AGMO: variants seen among roughly 807,000 people sequenced by gnomAD.
AGMO encodes alkylglycerol monooxygenase, also known as glyceryl-ether monooxygenase.
AGMO carries 75 observed loss-of-function variants against 60.2 expected under a neutral mutation model. That is an observed-to-expected ratio of 1.25 (90% CI 1.03 to 1.51). The LOEUF (loss-of-function observed/expected upper bound fraction) is 1.51. Among genes scored for constraint, AGMO ranks in the 40% most tolerant of loss-of-function variants. The pLI is 0.00. For synonymous variants in AGMO, 261 were observed against 177.1 expected (o/e 1.47, Z -3.76); for missense variants, 763 against 525.5 (o/e 1.45, Z -4.42).
intron 8 of AGMO, among the ~76,000 whole-genome samples, chr7:15,389,069 T>A (rs1451552905): frequency 6.6e-6 from 1 of 152,184 alleles, no homozygotes; most frequent in Non-Finnish European, 1.5e-5. Flanking sequence ...TCTCATTCTG[T>A]CTCAATTATA....
At chr7:15,240,169 G>T (rs1782549225) in intron 12 of AGMO, among the ~76,000 whole-genome samples, 1 of 151,948 alleles carries the variant, frequency 6.6e-6, no homozygotes, top group Non-Finnish European at 1.5e-5. Flanking sequence ...CTAACTACCT[G>T]GTGTGTTAGG....
chr7:15,348,016 T>C (rs190563462), intron 12 of AGMO, among the ~76,000 whole-genome samples: 2 of 152,214 alleles, frequency 1.3e-5, no homozygotes, highest in African/African-American at 4.8e-5. Flanking sequence ...AAAGACATTT[T>C]CCTGAAGTTA....
chr7:15,241,850 C>T (rs970730035), intron 12 of AGMO, among the ~76,000 whole-genome samples: 2 of 152,034 alleles, frequency 1.3e-5, no homozygotes, highest in African/African-American at 4.8e-5. Flanking sequence ...TCTGTAGGCT[C>T]TGAGGAAGAA....
intron 12 of AGMO, among the ~76,000 whole-genome samples, chr7:15,260,351 G>C (rs1273407902): frequency 6.6e-6 from 1 of 151,962 alleles, no homozygotes; most frequent in African/African-American, 2.4e-5. Flanking sequence ...CACCACAAGA[G>C]AGCAGGAGTA....
chr7:15,284,112 G>T (rs1428415323), intron 12 of AGMO, among the ~76,000 whole-genome samples: 1 of 151,958 alleles, frequency 6.6e-6, no homozygotes, highest in Non-Finnish European at 1.5e-5. Flanking sequence ...AGTGCTAAAT[G>T]CCTCCATCAA....
intron 12 of AGMO, among the ~76,000 whole-genome samples, chr7:15,359,819 AC>A (rs1782682507): frequency 1.3e-5 from 2 of 152,228 alleles, no homozygotes. Context: ...ATCATAAAAT[AC>A]AAAAAATCCT....
At chr7:15,245,139 A>G (rs368249598) in intron 12 of AGMO, among the ~76,000 whole-genome samples, 1 of 152,316 alleles carries the variant, frequency 6.6e-6, no homozygotes, top group African/African-American at 2.4e-5. Flanking sequence ...CCAGTACCCT[A>G]GTAGATTAGG....
chr7:15,425,457 G>A (rs1781033838), intron 4 of AGMO, among the ~76,000 whole-genome samples: 1 of 146,914 alleles, frequency 6.8e-6, no homozygotes. Context: ...TTTTGAGAAA[G>A]AGGGTCTTGC....
intron 12 of AGMO, among the ~76,000 whole-genome samples, chr7:15,283,614 G>C (rs1483330500): frequency 2.0e-5 from 3 of 151,790 alleles, no homozygotes; most frequent in African/African-American, 7.3e-5. Flanking sequence ...AAAATGAGAT[G>C]AATAGTAATG....
the AGMO span, among the ~76,000 whole-genome samples, chr7:15,145,552 C>T: frequency 2.0e-5 from 3 of 152,002 alleles, no homozygotes; most frequent in Non-Finnish European, 4.4e-5. Context: ...CTCAAGATGG[C>T]AGTATTATCG....
intron 3 of AGMO, among the ~76,000 whole-genome samples, chr7:15,441,532 A>G (rs912282581): frequency 6.6e-6 from 1 of 152,172 alleles, no homozygotes; most frequent in Non-Finnish European, 1.5e-5. Context: ...AAAGTATTTA[A>G]TGACATATAT....
At chr7:15,529,450 A>T (rs1165046044) in intron 3 of AGMO, among the ~76,000 whole-genome samples, 3 of 146,570 alleles carry the variant, frequency 2.0e-5, no homozygotes, top group African/African-American at 7.5e-5. Context: ...TCAACAAAAA[A>T]AACAACAATT....
At position 15,508,128 on chromosome 7, in the gene AGMO, C is replaced by T. The variant is rs183446846; in HGVS notation, c.409+36644G>A. Among the ~76,000 whole-genome samples the T allele has an allele frequency of 4.2e-4, 63 of 151,484 alleles. No homozygotes were observed. In the East Asian group the frequency reaches 5.8e-3, roughly 14 times the overall value. On this transcript the variant is annotated intron_variant, in intron 3 of 12. Coordinates refer to ENST00000342526, the MANE Select transcript of AGMO (RefSeq NM_001004320.2). Reference sequence around the variant, plus strand: ...AGAGGAAAATTATTCCAGATGAGCACGAAATAATGCAGGGAAAAAAATTAG... The same window carrying T: ...AGAGGAAAATTATTCCAGATGAGCATGAAATAATGCAGGGAAAAAAATTAG...
intron 12 of AGMO, among the ~76,000 whole-genome samples, chr7:15,258,535 C>G (rs6960568): frequency 0.032 from 4,877 of 151,094 alleles, 254 homozygotes; most frequent in African/African-American, 0.11. Context: ...GGCAACAGAG[C>G]AAGACTCTTT....
In AGMO at chr7:15,492,374, A is replaced by C. The variant is rs907750643; in HGVS notation, c.409+52398T>G. Among the ~76,000 whole-genome samples the C allele has an allele frequency of 4.6e-5, 7 of 151,810 alleles. No individual in the cohort carries two copies. In the East Asian group the frequency reaches 1.4e-3, roughly 30 times the overall value. On this transcript the variant is annotated intron_variant, in intron 3 of 12. Coordinates refer to ENST00000342526, the MANE Select transcript of AGMO (RefSeq NM_001004320.2). ...GCCCAATACGAAAAAAAAAAAAAAA[A>C]AACATTAATAATAAATTCAATCATT...
At chr7:15,323,021 T>TGA (rs770655638) in intron 12 of AGMO, among the ~76,000 whole-genome samples, 112,699 of 148,858 alleles carry the variant, frequency 0.76, 43,160 homozygotes, top group African/African-American at 0.86. Context: ...AAGGAAATTT[T>TGA]GTAGGTCGTT....
intron 3 of AGMO, among the ~76,000 whole-genome samples, chr7:15,496,062 A>C (rs1480307557): frequency 6.6e-6 from 1 of 152,106 alleles, no homozygotes; most frequent in Non-Finnish European, 1.5e-5. Flanking sequence ...CATCTACAAA[A>C]CACTGGAAAC....
chr7:15,406,635 GAATATACATATATA>G (rs758686751), intron 5 of AGMO, among the ~76,000 whole-genome samples: 2,394 of 36,792 alleles, frequency 0.065, 461 homozygotes, highest in African/African-American at 0.11. Flanking sequence ...GTATATATAT[GAATATACATATATA>G]TGTGTATATA....
At chr7:15,499,562 A>G (rs1008906985) in intron 3 of AGMO, among the ~76,000 whole-genome samples, 1 of 151,866 alleles carries the variant, frequency 6.6e-6, no homozygotes, top group African/African-American at 2.4e-5. Flanking sequence ...TACAAAATGG[A>G]TCAACCCCAC....
Sources: gnomAD v4.1 joint callset for allele counts (sites outside exome capture counted in the v4.1 genomes callset) on GRCh38, gnomAD v4.1.1 for gene constraint, MANE v1.5 for transcripts, NCBI Gene and HGNC (gene_info 2026-07-23, HGNC 2026-07-21) for gene names.